ABHD13: variants seen among roughly 807,000 people sequenced by gnomAD.
ABHD13 encodes the protein protein ABHD13.
ABHD13 carries 7 observed loss-of-function variants against 25.2 expected under a neutral mutation model. The observed-to-expected ratio is 0.28, with a 90% CI of 0.16 to 0.52. ABHD13 has a LOEUF of 0.52. ABHD13 is among the 20% of genes least tolerant of loss of function. ABHD13 has a pLI of 0.96. For missense variants in ABHD13, 302 were observed against 402.7 expected (o/e 0.75, Z 2.14); for synonymous variants, 133 against 136.1 (o/e 0.98, Z 0.16).
chr13:108,229,380 A>G lies in ABHD13; in HGVS notation c.162A>G (p.Ala54=). The G allele has an allele frequency of 6.2e-7, 1 of 1,612,720 alleles. No individual in the cohort carries two copies. The highest frequency in any genetic ancestry group is 8.5e-7 in the Non-Finnish European group (1 of 1,179,184). Residue 54 remains alanine, a synonymous_variant, in exon 2 of 2, where the codon GCA becomes GCG. Transcript: ENST00000375898. This position sits in a 1 kb window ranked among gnomAD's most constrained non-coding sequence, Gnocchi z 4.7. The stretch of plus-strand genomic sequence containing the variant: ...TTTTGTTAATATTCATATCAATAGC[A>G]GGTATTCTGTATAAATTCCAGGATG... ...ILLLLIFISI[A]GILYKFQDVL... is the part of the protein sequence containing the mutation.
chr13:108,220,892 A>G (rs1879554323), intron 1 of ABHD13, among the ~76,000 whole-genome samples: 1 of 152,232 alleles, frequency 6.6e-6, no homozygotes, highest in South Asian at 2.1e-4. Context: ...TAAATTGGAA[A>G]CTTTGTGAAT....
intron 1 of ABHD13, among the ~76,000 whole-genome samples, chr13:108,226,253 AC>A (rs1471016204): frequency 6.6e-6 from 1 of 152,090 alleles, no homozygotes; most frequent in Non-Finnish European, 1.5e-5. Flanking sequence ...AGTGAGCACC[AC>A]CCTGGCTTAG....
chr13:108,232,211 C>T lies in ABHD13; in HGVS notation c.*1979C>T, dbSNP rs1879820674. The T allele has an allele frequency of 1.2e-5, 2 of 166,768 alleles. No individual in the cohort carries two copies. Among genetic ancestry groups the T allele is most frequent in the South Asian group, 4.1e-4 (2 of 4,828 alleles). The allele number at this position is 166,768 out of a possible 1,614,324, so 10.3% of individuals were successfully genotyped here. Reference sequence around the variant, plus strand: ...TCATGAGGTATAAAAGCTATTTCTTCATCAGTATTTTGCTTTTATGCTGCT... The same window carrying T: ...TCATGAGGTATAAAAGCTATTTCTTTATCAGTATTTTGCTTTTATGCTGCT... On this transcript the variant is annotated 3_prime_UTR_variant, in exon 2 of 2. Coordinates refer to ENST00000375898, the MANE Select transcript of ABHD13 (RefSeq NM_032859.3).
In ABHD13 at chr13:108,230,925, G is replaced by A. The variant is rs1301901154; in HGVS notation, c.*693G>A. ...CTGTTTTCCAATACAAATGTACCGT[G>A]TTTTTGTTAGGTACAGTCTGGATCA... On this transcript the variant is annotated 3_prime_UTR_variant, in exon 2 of 2. Transcript: ENST00000375898. 1.8e-5 allele frequency: 3 copies of A among 166,768 alleles called. No individual in the cohort carries two copies. The highest frequency in any genetic ancestry group is 2.9e-5 in the Non-Finnish European group (2 of 67,926). 10.3% of individuals were successfully genotyped at this position (166,768 alleles called of 1,614,324 possible).
At position 108,225,538 on chromosome 13, in the gene ABHD13, A is replaced by G. The variant is rs183982984; in HGVS notation, c.-20-3661A>G. Among the ~76,000 whole-genome samples, 3 of 152,300 alleles carry G rather than the reference A, an allele frequency of 2.0e-5. No individual in the cohort carries two copies. In the East Asian group the frequency reaches 5.8e-4, roughly 29 times the overall value. On this transcript the variant is annotated intron_variant, in intron 1 of 1. Coordinates refer to ENST00000375898, the MANE Select transcript of ABHD13 (RefSeq NM_032859.3). Reference sequence around the variant, plus strand: ...CAGTGTGGATTGAGAAAAATCCACTAGATTTATTTTAAAGTGAAGTTTACA... The same window carrying G: ...CAGTGTGGATTGAGAAAAATCCACTGGATTTATTTTAAAGTGAAGTTTACA...
chr13:108,218,465 C>G lies in ABHD13; in HGVS notation c.-215C>G, dbSNP rs146810093. ...TGTGGGAGCCGGCGGGGGCATTTGCCGGCGACACCCGAGCGGGGGCCGGAA... is the reference window on the plus strand; with the variant it reads ...TGTGGGAGCCGGCGGGGGCATTTGCGGGCGACACCCGAGCGGGGGCCGGAA... On this transcript the variant is annotated 5_prime_UTR_variant, in exon 1 of 2. Coordinates refer to ENST00000375898, the MANE Select transcript of ABHD13 (RefSeq NM_032859.3). 6.6e-6 allele frequency: 1 copy of G among 152,204 alleles called. No homozygotes were observed. Among genetic ancestry groups the G allele is most frequent in the Admixed American group, 6.5e-5 (1 of 15,288 alleles). The allele number at this position is 152,204 out of a possible 1,614,324, so 9.4% of individuals were successfully genotyped here.
At chr13:108,227,963 A>T (rs12855964) in intron 1 of ABHD13, among the ~76,000 whole-genome samples, 8,390 of 152,130 alleles carry the variant, frequency 0.055, 227 homozygotes, top group East Asian at 0.11. Flanking sequence ...GAAATAATAG[A>T]AAAAAATCAA....
chr13:108,233,289 G>A lies in ABHD13; in HGVS notation c.*3057G>A, dbSNP rs531170884. On this transcript the variant is annotated 3_prime_UTR_variant, in exon 2 of 2. Transcript: ENST00000375898. ...TGTAAGTTTGGCTTTGTGGGAATAG[G>A]TGTGGAGAAATTAAAGAGTGAAGGC... 4 of 166,698 alleles carry A rather than the reference G, an allele frequency of 2.4e-5. No individual in the cohort carries two copies. The highest frequency in any genetic ancestry group is 9.7e-5 in the African/African-American group (4 of 41,388). The allele number at this position is 166,698 out of a possible 1,614,324, so 10.3% of individuals were successfully genotyped here. A position where few individuals can be genotyped will look rare whatever the true frequency, so the allele number is the denominator to read the frequency against.
intron 1 of ABHD13, among the ~76,000 whole-genome samples, chr13:108,228,657 G>A (rs1425977460): frequency 1.3e-5 from 2 of 150,408 alleles, no homozygotes; most frequent in Non-Finnish European, 3.0e-5. Flanking sequence ...TTTTGCTACC[G>A]TATGTGAAAA....
chr13:108,220,041 A>G (rs766993613), intron 1 of ABHD13, among the ~76,000 whole-genome samples: 1 of 152,200 alleles, frequency 6.6e-6, no homozygotes, highest in Admixed American at 6.5e-5. Flanking sequence ...AGCTGCACTT[A>G]ACACACTATT....
At chr13:108,228,253 T>C (rs192995220) in intron 1 of ABHD13, among the ~76,000 whole-genome samples, 20 of 151,906 alleles carry the variant, frequency 1.3e-4, no homozygotes, top group Non-Finnish European at 2.9e-4. Context: ...AGAATTGTTC[T>C]CCAGTGAGTC....
At chr13:108,222,680 T>A (rs1250644461) in intron 1 of ABHD13, among the ~76,000 whole-genome samples, 1 of 152,150 alleles carries the variant, frequency 6.6e-6, no homozygotes, top group East Asian at 1.9e-4. Context: ...ATTGGAAAAC[T>A]GGAAGTTTAT....
intron 1 of ABHD13, among the ~76,000 whole-genome samples, chr13:108,228,528 A>G (rs962977450): frequency 2.6e-5 from 4 of 151,934 alleles, no homozygotes; most frequent in African/African-American, 9.7e-5. Context: ...TAAGCAAATT[A>G]TTTAAGTTTA....
chr13:108,230,588 G>A lies in ABHD13; in HGVS notation c.*356G>A, dbSNP rs912874911. The stretch of plus-strand genomic sequence containing the variant: ...AGATATGTAAACAAGAAACCTTTGG[G>A]TATTGTTTCTTAAGTAAATATTGGG... On this transcript the variant is annotated 3_prime_UTR_variant, in exon 2 of 2. Coordinates refer to ENST00000375898, the MANE Select transcript of ABHD13 (RefSeq NM_032859.3). 5.7e-6 allele frequency: 1 copy of A among 174,114 alleles called. No individual in the cohort carries two copies. Among genetic ancestry groups the A allele is most frequent in the Non-Finnish European group, 1.4e-5 (1 of 73,420 alleles). 10.8% of individuals were successfully genotyped at this position (174,114 alleles called of 1,614,324 possible).
intron 1 of ABHD13, among the ~76,000 whole-genome samples, chr13:108,219,348 C>T (rs1456163414): frequency 1.3e-5 from 2 of 152,074 alleles, no homozygotes; most frequent in East Asian, 1.9e-4. Context: ...AAGTCCGTCC[C>T]CATTTAACAA....
Position 108,231,410 on chromosome 13 carries a change from A to C in ABHD13, c.*1178A>C, listed in dbSNP as rs2139016047. ...AAAGTTTTACATGTAGGAGTGTGGG[A>C]ATGAAGGAATTCTGGAGCTTTTTGA... On this transcript the variant is annotated 3_prime_UTR_variant, in exon 2 of 2. Coordinates refer to ENST00000375898, the MANE Select transcript of ABHD13 (RefSeq NM_032859.3). The C allele has an allele frequency of 6.0e-6, 1 of 166,782 alleles. No homozygotes were observed. Among genetic ancestry groups the C allele is most frequent in the Admixed American group, 6.6e-5 (1 of 15,246 alleles). The allele number at this position is 166,782 out of a possible 1,614,324, so 10.3% of individuals were successfully genotyped here.
chr13:108,232,042 AC>A lies in ABHD13; in HGVS notation c.*1811del, dbSNP rs959387149. ...ATTAATGTATTAAAAAGAAAATACA[AC>A]AAAATGTATATTTAGACACGAGCTT... On this transcript the variant is annotated 3_prime_UTR_variant, in exon 2 of 2. Coordinates refer to ENST00000375898, the MANE Select transcript of ABHD13 (RefSeq NM_032859.3). The A allele has an allele frequency of 6.0e-6, 1 of 166,716 alleles. No homozygotes were observed. Among genetic ancestry groups the A allele is most frequent in the Non-Finnish European group, 1.5e-5 (1 of 67,984 alleles). The allele number at this position is 166,716 out of a possible 1,614,324, so 10.3% of individuals were successfully genotyped here. A position where few individuals can be genotyped will look rare whatever the true frequency, so the allele number is the denominator to read the frequency against.
rs779601799 is a variant in ABHD13 at position 108,230,074 on chromosome 13, C to T, written c.856C>T (p.Arg286Trp). Residue 286 changes from arginine to tryptophan, a missense_variant, in exon 2 of 2, where the codon CGG becomes TGG. Physicochemically the swap from Arg to Trp is moderately radical, Grantham distance 101. Transcript: ENST00000375898. The part of the protein sequence containing the change: ...MKQLYELSPS[R>W]TKRLAIFPDG... ...ACAACTTTATGAACTCTCCCCATCT[C>T]GGACTAAGAGATTAGCCATTTTTCC... is the stretch of plus-strand genomic sequence containing the variant. The T allele has an allele frequency of 6.9e-5, 112 of 1,613,066 alleles. No individual in the cohort carries two copies. Among genetic ancestry groups the T allele is most frequent in the Non-Finnish European group, 9.0e-5 (106 of 1,179,360 alleles).
intron 1 of ABHD13, among the ~76,000 whole-genome samples, chr13:108,226,560 A>G (rs1879676366): frequency 6.6e-6 from 1 of 152,130 alleles, no homozygotes; most frequent in Non-Finnish European, 1.5e-5. Context: ...TTTTATCTGA[A>G]GAGGGAGAAA....
Sources: gnomAD v4.1 joint callset for allele counts (sites outside exome capture counted in the v4.1 genomes callset) on GRCh38, gnomAD v4.1.1 for gene constraint, Gnocchi (gnomAD v3.1) non-coding constraint, MANE v1.5 for transcripts, NCBI Gene and HGNC (gene_info 2026-07-23, HGNC 2026-07-21) for gene names.